Variants in CACNA2D3 observed in about 807,000 individuals in gnomAD.
The protein encoded by CACNA2D3 is calcium voltage-gated channel auxiliary subunit alpha2delta 3, also known as voltage-dependent calcium channel subunit alpha-2/delta-3.
Under a neutral mutation model 160.6 loss-of-function variants are expected in CACNA2D3, and 60 were observed. The ratio of observed to expected loss-of-function variants is 0.37; its 90% CI spans 0.30 to 0.46. The LOEUF (loss-of-function observed/expected upper bound fraction) is 0.46, where lower values mean the gene tolerates loss of function less well. Ranked by LOEUF, CACNA2D3 falls within the 20% of genes least tolerant of loss-of-function variation. CACNA2D3 has a pLI of 1.00. For synonymous variants in CACNA2D3, 558 were observed against 492.9 expected (o/e 1.13, Z -1.75); for missense variants, 1,205 against 1,365.0 (o/e 0.88, Z 1.85).
At chr3:54,883,666 C>T (rs1471382960) in intron 21 of CACNA2D3, among the ~76,000 whole-genome samples, 1 of 152,114 alleles carries the variant, frequency 6.6e-6, no homozygotes, top group Non-Finnish European at 1.5e-5. Context: ...AAGGTACAGT[C>T]CCTTCTCAGG....
chr3:54,693,431 A>G (rs1700603712), intron 11 of CACNA2D3, among the ~76,000 whole-genome samples: 1 of 152,260 alleles, frequency 6.6e-6, no homozygotes, highest in Non-Finnish European at 1.5e-5. Flanking sequence ...GCTGGCATCA[A>G]CAGTCATATA....
chr3:54,323,584 A>T (rs1704057101), intron 3 of CACNA2D3, among the ~76,000 whole-genome samples: 1 of 150,662 alleles, frequency 6.6e-6, no homozygotes, highest in Non-Finnish European at 1.5e-5. Flanking sequence ...CTCCTGCCTC[A>T]GCCTCCCCAG....
chr3:54,942,619 T>A (rs1182644076), intron 27 of CACNA2D3, among the ~76,000 whole-genome samples: 1 of 152,024 alleles, frequency 6.6e-6, no homozygotes, highest in Non-Finnish European at 1.5e-5. Context: ...CCAGGCATAC[T>A]GGTTCACGCC....
intron 9 of CACNA2D3, among the ~76,000 whole-genome samples, chr3:54,594,905 T>C (rs747857909): frequency 2.6e-5 from 4 of 152,170 alleles, no homozygotes; most frequent in Admixed American, 6.5e-5. Flanking sequence ...ACACAATCAG[T>C]AAGTGCGCAA....
At chr3:54,292,387 A>G (rs552398460) in intron 2 of CACNA2D3, among the ~76,000 whole-genome samples, 1 of 152,354 alleles carries the variant, frequency 6.6e-6, no homozygotes, top group African/African-American at 2.4e-5. Flanking sequence ...AGAAAGTGAA[A>G]GGTAACCTAG....
chr3:54,412,610 C>CTTGTTTTTTTTTTTTTTT (rs1699687124), intron 4 of CACNA2D3, among the ~76,000 whole-genome samples: 1 of 120,618 alleles, frequency 8.3e-6, no homozygotes, highest in Non-Finnish European at 1.7e-5. Flanking sequence ...TGGTCTTGTT[C>CTTGTTTTTTTTTTTTTTT]TTTTTTTTTT....
chr3:54,340,056 C>T (rs544396379), intron 3 of CACNA2D3, among the ~76,000 whole-genome samples: 17 of 152,214 alleles, frequency 1.1e-4, no homozygotes, highest in Admixed American at 5.9e-4. Context: ...GACAAAGAAA[C>T]GTGACAGTAC....
At chr3:54,851,310 C>T (rs1699053303) in intron 17 of CACNA2D3, among the ~76,000 whole-genome samples, 1 of 152,150 alleles carries the variant, frequency 6.6e-6, no homozygotes. Context: ...CATCTAGCAG[C>T]AGCCTGGAGT....
chr3:54,604,800 A>G (rs1703135320), intron 9 of CACNA2D3, among the ~76,000 whole-genome samples: 1 of 152,112 alleles, frequency 6.6e-6, no homozygotes, highest in South Asian at 2.1e-4. Context: ...CACGCAAGAG[A>G]CAGAGTGCTG....
At chr3:54,601,234 C>T (rs944449574) in intron 9 of CACNA2D3, among the ~76,000 whole-genome samples, 8 of 152,134 alleles carry the variant, frequency 5.3e-5, no homozygotes, top group Admixed American at 3.3e-4. Context: ...GACAGTATCT[C>T]ACTGTGTCAT....
intron 13 of CACNA2D3, among the ~76,000 whole-genome samples, chr3:54,798,657 A>G (rs1702920271): frequency 6.6e-6 from 1 of 152,344 alleles, no homozygotes; most frequent in Middle Eastern, 3.4e-3. Flanking sequence ...TTACTATAAG[A>G]CAGAATCTCA....
At chr3:54,625,551 G>A (rs1699079124) in intron 9 of CACNA2D3, among the ~76,000 whole-genome samples, 1 of 152,222 alleles carries the variant, frequency 6.6e-6, no homozygotes, top group African/African-American at 2.4e-5. Flanking sequence ...TGATGGGCCA[G>A]AGGGCAAGGA....
At chr3:54,834,157 C>A (rs544330388) in intron 14 of CACNA2D3, among the ~76,000 whole-genome samples, 1 of 152,232 alleles carries the variant, frequency 6.6e-6, no homozygotes, top group South Asian at 2.1e-4. Context: ...TGTCTTTGTG[C>A]CAGGACAATT....
chr3:54,658,286 T>A (rs528386935), intron 11 of CACNA2D3, among the ~76,000 whole-genome samples: 2 of 152,380 alleles, frequency 1.3e-5, no homozygotes, highest in African/African-American at 4.8e-5. Flanking sequence ...CTGTACCAAC[T>A]TATATTTCAC....
At chr3:54,448,094 C>T (rs561404011) in intron 4 of CACNA2D3, among the ~76,000 whole-genome samples, 10 of 152,210 alleles carry the variant, frequency 6.6e-5, no homozygotes, top group African/African-American at 2.2e-4. Flanking sequence ...TTTTCTGCAT[C>T]CATAGTTCAG....
Position 54,503,554 on chromosome 3 carries a change from G to A in CACNA2D3, c.444G>A (p.Leu148=), listed in dbSNP as rs1701325111. The change falls in exon 5 of 38, where the codon CTG becomes CTA. Residue 148 remains leucine, a synonymous_variant. Transcript: ENST00000474759. ...ERDKDGNFLE[L]GKEFILAPND... ...ACAAAGACGGGAATTTTTTGGAGCT[G>A]GGAAAGGAATTCATCTTAGCCCCAA... 1 of 1,613,700 alleles carries A rather than the reference G, an allele frequency of 6.2e-7. No individual in the cohort carries two copies. The highest frequency in any genetic ancestry group is 8.5e-7 in the Non-Finnish European group (1 of 1,179,628).
intron 13 of CACNA2D3, among the ~76,000 whole-genome samples, chr3:54,783,946 C>G (rs561409654): frequency 6.6e-6 from 1 of 152,322 alleles, no homozygotes; most frequent in South Asian, 2.1e-4. Context: ...ACAGCAAATA[C>G]TGTAATCACA....
At chr3:54,763,078 A>C in intron 12 of CACNA2D3, among the ~76,000 whole-genome samples, 1 of 116,854 alleles carries the variant, frequency 8.6e-6, no homozygotes, top group Non-Finnish European at 1.8e-5. Context: ...ACAGAGTGAG[A>C]CTCCATCTCA....
At chr3:55,065,307 G>A (rs964604450) in intron 35 of CACNA2D3, among the ~76,000 whole-genome samples, 1 of 152,116 alleles carries the variant, frequency 6.6e-6, no homozygotes, top group East Asian at 1.9e-4. Context: ...TTTAGGGGAG[G>A]ACAAAGTGAC....
Sources: allele counts gnomAD v4.1 joint callset (sites outside exome capture counted in the v4.1 genomes callset), GRCh38; gene constraint gnomAD v4.1.1; transcripts MANE v1.5; gene names NCBI Gene and HGNC (gene_info 2026-07-23, HGNC 2026-07-21).